Variants in PTCD3 observed in about 807,000 individuals in gnomAD.
The protein encoded by PTCD3 is small ribosomal subunit protein mS39.
Under a neutral mutation model 101.9 loss-of-function variants are expected in PTCD3, and 89 were observed. The observed-to-expected ratio is 0.87, with a 90% CI of 0.74 to 1.04. PTCD3 has a LOEUF of 1.04. PTCD3 is among the 50% of genes least tolerant of loss of function. The probability of loss-of-function intolerance (pLI) is 0.00; values close to 1 mark genes in which losing one functional copy is unlikely to be tolerated. For missense variants in PTCD3, 870 were observed against 828.2 expected (o/e 1.05, Z -0.62); for synonymous variants, 296 against 278.5 (o/e 1.06, Z -0.63).
At position 86,141,687 on chromosome 2, in the gene PTCD3, A is replaced by G. The variant is rs994957842; in HGVS notation, c.*4128A>G. The G allele has an allele frequency of 2.0e-5, 3 of 152,238 alleles. No individual in the cohort carries two copies. Among genetic ancestry groups the G allele is most frequent in the Non-Finnish European group, 4.4e-5 (3 of 68,044 alleles). 9.4% of individuals were successfully genotyped at this position (152,238 alleles called of 1,614,324 possible). A position where few individuals can be genotyped will look rare whatever the true frequency, so the allele number is the denominator to read the frequency against. ...TCCTACATCAGTGAGGAGGGAGGCA[A>G]TAAAGTAATTTCAGAGTAAAACAGA... On this transcript the variant is annotated 3_prime_UTR_variant, in exon 24 of 24. Coordinates refer to ENST00000254630, the MANE Select transcript of PTCD3 (RefSeq NM_017952.6).
intron 12 of PTCD3, among the ~76,000 whole-genome samples, chr2:86,126,433 T>C (rs1460372319): frequency 6.6e-5 from 10 of 152,140 alleles, no homozygotes; most frequent in Admixed American, 6.5e-4. Flanking sequence ...TATTCATTTA[T>C]TTTTCATAAT....
chr2:86,130,971 T>C, intron 15 of PTCD3, 107 bp from the exon 16 acceptor site: 1 of 1,402,000 alleles, frequency 7.1e-7, no homozygotes, highest in South Asian at 1.3e-5. Flanking sequence ...TTCTTAGCTT[T>C]ATCTTGCATG....
intron 3 of PTCD3, chr2:86,110,851 C>T (rs1002815688): frequency 3.1e-5 from 21 of 684,048 alleles, no homozygotes; most frequent in East Asian, 9.3e-5. Context: ...TTTATGAGGG[C>T]GGGATGGAAA....
At chr2:86,130,983 T>G in intron 15 of PTCD3, 95 bp from the exon 16 acceptor site, 1 of 1,415,636 alleles carries the variant, frequency 7.1e-7, no homozygotes, top group Non-Finnish European at 9.7e-7. Context: ...TCTTGCATGT[T>G]ACCAGTTTTG....
Position 86,127,945 on chromosome 2 carries a change from C to G in PTCD3, c.1101C>G (p.Pro367=), listed in dbSNP as rs776921505. 6.2e-7 allele frequency: 1 copy of G among 1,609,748 alleles called. No individual in the cohort carries two copies. The highest frequency in any genetic ancestry group is 2.2e-5 in the East Asian group (1 of 44,824). Residue 367 remains proline, a synonymous_variant, in exon 14 of 24, where the codon CCC becomes CCG. Coordinates refer to ENST00000254630, the MANE Select transcript of PTCD3 (RefSeq NM_017952.6). ...LREMKAIGIE[P]SLATYHHIIR... The stretch of plus-strand genomic sequence containing the variant: ...CTGTCTACCTGGTAATTTGAGAACC[C>G]TCGCTTGCAACATATCACCATATTA...
At position 86,127,591 on chromosome 2, in the gene PTCD3, A is replaced by G. The variant is rs1674418972; in HGVS notation, c.1096+286A>G. 8.6e-6 allele frequency: 4 copies of G among 464,600 alleles called. No homozygotes were observed. In the East Asian group the frequency reaches 1.5e-4, roughly 18 times the overall value. 28.8% of individuals were successfully genotyped at this position (464,600 alleles called of 1,614,324 possible). A position where few individuals can be genotyped will look rare whatever the true frequency, so the allele number is the denominator to read the frequency against. ...TTTAAATTCATGACATTTTCCCAAC[A>G]TAATTAGGTATTTGAACCTAAGTGT... On this transcript the variant is annotated intron_variant, in intron 13 of 23. Coordinates refer to ENST00000254630, the MANE Select transcript of PTCD3 (RefSeq NM_017952.6).
chr2:86,136,782 T>C, intron 22 of PTCD3, 200 bp from the exon 23 acceptor site: 1 of 802,372 alleles, frequency 1.2e-6, no homozygotes, highest in South Asian at 1.7e-5. Context: ...CATGAAGTCA[T>C]ACTGAATGAA....
Position 86,133,337 on chromosome 2 carries a change from C to CT in PTCD3, c.1453-7dup. The CT allele has an allele frequency of 6.2e-7, 1 of 1,614,060 alleles. No homozygotes were observed. The highest frequency in any genetic ancestry group is 8.5e-7 in the Non-Finnish European group (1 of 1,179,982). On this transcript the variant is annotated splice_polypyrimidine_tract_variant and intron_variant, in intron 18 of 23. Coordinates refer to ENST00000254630, the MANE Select transcript of PTCD3 (RefSeq NM_017952.6). ...ATTAATGCTTTAAAAATGTGTTTCT[C>CT]TTAATCAGGCCTACTTTCCCCACTC... is the stretch of plus-strand genomic sequence containing the variant.
intron 8 of PTCD3, among the ~76,000 whole-genome samples, chr2:86,121,814 C>T (rs1674288480): frequency 6.6e-6 from 1 of 152,214 alleles, no homozygotes; most frequent in South Asian, 2.1e-4. Context: ...GTTGTCCTCA[C>T]CTACTTCATA....
At chr2:86,115,234 T>G (rs1467024247) in intron 4 of PTCD3, among the ~76,000 whole-genome samples, 1 of 152,206 alleles carries the variant, frequency 6.6e-6, no homozygotes, top group African/African-American at 2.4e-5. Flanking sequence ...CTGTTAACTC[T>G]TTTCTGCAAA....
At chr2:86,132,267 C>A in intron 16 of PTCD3, 51 bp from the exon 17 acceptor site, 1 of 1,105,640 alleles carries the variant, frequency 9.0e-7, no homozygotes, top group South Asian at 1.4e-5. Context: ...TATTTGTGAA[C>A]CACTGGCTGA....
rs1219963552 is a variant in PTCD3 at position 86,134,950 on chromosome 2, A to G, written c.1741A>G (p.Ile581Val). 2.5e-6 allele frequency: 4 copies of G among 1,614,032 alleles called. No individual in the cohort carries two copies. The highest frequency in any genetic ancestry group is 2.5e-6 in the Non-Finnish European group (3 of 1,180,016). ...WPATSLNCIAILFLRAGRTQE... is the reference protein window; with the variant it reads ...WPATSLNCIAVLFLRAGRTQE... The stretch of plus-strand genomic sequence containing the variant: ...AGCCACCTCTCTCAACTGTATAGCT[A>G]TCCTCTTTTTAAGGGCTGGGAGAAC... Residue 581 changes from isoleucine to valine, a missense_variant, in exon 21 of 24, where the codon ATC (isoleucine) becomes GTC (valine). Physicochemically the swap from Ile to Val is conservative, Grantham distance 29. Coordinates refer to ENST00000254630, the MANE Select transcript of PTCD3 (RefSeq NM_017952.6).
chr2:86,115,151 A>G (rs1255666985), intron 4 of PTCD3, among the ~76,000 whole-genome samples: 1 of 152,200 alleles, frequency 6.6e-6, no homozygotes, highest in Non-Finnish European at 1.5e-5. Flanking sequence ...AACCCTTCCA[A>G]TATCCAGGTT....
At chr2:86,117,764 G>C (rs1463254126) in intron 6 of PTCD3, among the ~76,000 whole-genome samples, 3 of 151,620 alleles carry the variant, frequency 2.0e-5, no homozygotes, top group Non-Finnish European at 4.4e-5. Flanking sequence ...GCTTGCTCTT[G>C]ATCCGCTTCT....
At chr2:86,124,378 G>A (rs1202858775) in intron 9 of PTCD3, among the ~76,000 whole-genome samples, 6 of 152,180 alleles carry the variant, frequency 3.9e-5, no homozygotes, top group Non-Finnish European at 8.8e-5. Context: ...TAATCCTGGT[G>A]CCGTGGGAGG....
intron 21 of PTCD3, chr2:86,135,765 G>C (rs1360065439): frequency 2.7e-6 from 1 of 370,612 alleles, no homozygotes; most frequent in Non-Finnish European, 5.2e-6. Context: ...TCTTTGAGGT[G>C]TGGCTCACAC....
Position 86,111,173 on chromosome 2 carries a change from G to A in PTCD3, c.240+15G>A, listed in dbSNP as rs188815046. The A allele has an allele frequency of 2.5e-6, 4 of 1,608,886 alleles. No individual in the cohort carries two copies. Among genetic ancestry groups the A allele is most frequent in the Admixed American group, 3.3e-5 (2 of 59,838 alleles). On this transcript the variant is annotated intron_variant, in intron 4 of 23. Transcript: ENST00000254630. ...CAGTAAACAGGGTAAGTAGGATTTT[G>A]TGTTTTTTTTTAACCTAAAACTTGG...
intron 4 of PTCD3, among the ~76,000 whole-genome samples, chr2:86,113,773 T>C (rs932569972): frequency 2.0e-5 from 3 of 152,070 alleles, no homozygotes; most frequent in African/African-American, 4.8e-5. Context: ...ATCGCACCAC[T>C]GTACTCCACA....
Position 86,137,030 on chromosome 2 carries a change from C to T in PTCD3, c.1869C>T (p.Ser623=). 2 of 1,613,780 alleles carry T rather than the reference C, an allele frequency of 1.2e-6. No homozygotes were observed. Among genetic ancestry groups the T allele is most frequent in the South Asian group, 2.2e-5 (2 of 91,024 alleles). ...ELMDSAKVSN[S]PSQAIEVVEL... is the part of the protein sequence containing the mutation. Reference sequence around the variant, plus strand: ...TGGACAGTGCAAAAGTGTCTAACAGCCCTTCCCAGGCCATTGAAGTAGTAG... The same window carrying T: ...TGGACAGTGCAAAAGTGTCTAACAGTCCTTCCCAGGCCATTGAAGTAGTAG... Residue 623 remains serine (S), a synonymous_variant, in exon 23 of 24, where the codon AGC becomes AGT. Transcript: ENST00000254630.
Sources: gnomAD v4.1 joint callset for allele counts (sites outside exome capture counted in the v4.1 genomes callset) on GRCh38, gnomAD v4.1.1 for gene constraint, MANE v1.5 for transcripts, NCBI Gene and HGNC (gene_info 2026-07-23, HGNC 2026-07-21) for gene names.